Variants in RFTN2 observed in about 807,000 individuals in gnomAD.
RFTN2 encodes raftlin family member 2.
In RFTN2, 34 loss-of-function variants were observed where a neutral mutation model predicts 52.7. The ratio of observed to expected loss-of-function variants is 0.64; its 90% CI spans 0.49 to 0.86. RFTN2 has a LOEUF of 0.86. Ranked by LOEUF, RFTN2 falls within the 40% of genes least tolerant of loss-of-function variation. The pLI is 0.00. For synonymous variants in RFTN2, 203 were observed against 217.7 expected (o/e 0.93, Z 0.59); for missense variants, 536 against 600.1 (o/e 0.89, Z 1.12).
At chr2:197,610,969 G>A (rs922218521) in intron 7 of RFTN2, among the ~76,000 whole-genome samples, 12 of 152,214 alleles carry the variant, frequency 7.9e-5, no homozygotes, top group Non-Finnish European at 1.5e-4. Context: ...AAGCCGACTT[G>A]ATTGTGGTGG....
intron 3 of RFTN2, among the ~76,000 whole-genome samples, chr2:197,641,325 A>G (rs1161323891): frequency 1.3e-5 from 2 of 152,204 alleles, no homozygotes; most frequent in Non-Finnish European, 2.9e-5. Flanking sequence ...GTGAAACAGC[A>G]TTTGTTCCTA....
chr2:197,629,859 G>T (rs566225869), intron 5 of RFTN2, among the ~76,000 whole-genome samples: 1 of 152,068 alleles, frequency 6.6e-6, no homozygotes, highest in South Asian at 2.1e-4. Context: ...GGGTAGCTGG[G>T]AATACAGGTG....
intron 8 of RFTN2, among the ~76,000 whole-genome samples, chr2:197,593,894 A>T (rs1401236319): frequency 6.6e-6 from 1 of 151,852 alleles, no homozygotes; most frequent in Non-Finnish European, 1.5e-5. Flanking sequence ...CAAAAAAAAA[A>T]AAAAAAGAAT....
intron 5 of RFTN2, among the ~76,000 whole-genome samples, chr2:197,629,515 G>A (rs572993866): frequency 3.2e-4 from 49 of 151,678 alleles, no homozygotes; most frequent in African/African-American, 5.8e-4. Flanking sequence ...TGATGGGTGC[G>A]GCACACCAAC....
chr2:197,624,597 C>CAAAAAAAAAAAAAA (rs746144794), intron 5 of RFTN2, among the ~76,000 whole-genome samples: 1 of 57,912 alleles, frequency 1.7e-5, no homozygotes, highest in Non-Finnish European at 3.0e-5. Flanking sequence ...GACTCTGTCT[C>CAAAAAAAAAAAAAA]AAAAAAAAAA....
intron 3 of RFTN2, among the ~76,000 whole-genome samples, chr2:197,634,752 ATACTTT>A (rs1164984638): frequency 1.3e-5 from 2 of 148,538 alleles, no homozygotes; most frequent in African/African-American, 5.0e-5. Context: ...TATTTTTATT[ATACTTT>A]AAGTTTTAGG....
chr2:197,670,558 C>G (rs548026088), intron 1 of RFTN2, among the ~76,000 whole-genome samples: 1 of 148,714 alleles, frequency 6.7e-6, no homozygotes, highest in Admixed American at 6.8e-5. Flanking sequence ...ATGTGTAGTC[C>G]CAGCTACTCC....
chr2:197,634,464 G>A (rs1196628271), intron 3 of RFTN2, among the ~76,000 whole-genome samples: 1 of 152,022 alleles, frequency 6.6e-6, no homozygotes, highest in Non-Finnish European at 1.5e-5. Flanking sequence ...AAAGAAAAAT[G>A]TTAAAAGACT....
intron 7 of RFTN2, among the ~76,000 whole-genome samples, chr2:197,605,360 CG>C (rs2087943240): frequency 6.6e-6 from 1 of 151,932 alleles, no homozygotes; most frequent in South Asian, 2.1e-4. Context: ...GGACTACAGG[CG>C]CCCGCCACCA....
At chr2:197,620,773 C>A (rs1214621340) in intron 5 of RFTN2, among the ~76,000 whole-genome samples, 1 of 152,120 alleles carries the variant, frequency 6.6e-6, no homozygotes, top group Non-Finnish European at 1.5e-5. Flanking sequence ...TTGAGACCAG[C>A]CTGACCAACA....
chr2:197,591,629 G>T (rs1010900593), intron 8 of RFTN2, among the ~76,000 whole-genome samples: 1 of 152,190 alleles, frequency 6.6e-6, no homozygotes, highest in Non-Finnish European at 1.5e-5. Flanking sequence ...GGGAGGCTCC[G>T]GTGGTGCAGG....
rs2087272354 is a variant in RFTN2, at chr2:197,568,793, T to A, written c.*3215A>T. ...AGAAGGAATGGTGGTGAGGAATCAA[T>A]AACAGGCAAGGGCGGGAAAACGGGA... is the stretch of plus-strand genomic sequence containing the variant. On this transcript the variant is annotated 3_prime_UTR_variant, in exon 9 of 9. Transcript: ENST00000295049. 1 of 152,060 alleles carries A rather than the reference T, an allele frequency of 6.6e-6. No homozygotes were observed. Among genetic ancestry groups the A allele is most frequent in the Non-Finnish European group, 1.5e-5 (1 of 68,006 alleles). 9.4% of individuals were successfully genotyped at this position (152,060 alleles called of 1,614,324 possible). A position where few individuals can be genotyped will look rare whatever the true frequency, so the allele number is the denominator to read the frequency against.
rs376779278 is a variant in RFTN2, at chr2:197,633,789, T to C, written c.647A>G (p.His216Arg). ...CATTTGATACTGTCCACTTTCATGATGAAGTTCTTCCTCAATTCCGCTTTC... is the reference window on the plus strand; with the variant it reads ...CATTTGATACTGTCCACTTTCATGACGAAGTTCTTCCTCAATTCCGCTTTC... ...SSESGIEEEL[H>R]HESGQYQMEQ... The change falls in exon 4 of 9, where the codon CAT becomes CGT. Residue 216 changes from histidine (H) to arginine (R), a missense_variant. By Grantham distance (29) the His-to-Arg change is conservative (BLOSUM62 0). Transcript: ENST00000295049. 2.5e-6 allele frequency: 4 copies of C among 1,613,434 alleles called. No homozygotes were observed. The highest frequency in any genetic ancestry group is 1.7e-5 in the Admixed American group (1 of 59,986).
chr2:197,599,842 C>T (rs1397963392), intron 7 of RFTN2, among the ~76,000 whole-genome samples: 3 of 151,976 alleles, frequency 2.0e-5, no homozygotes, highest in Non-Finnish European at 4.4e-5. Context: ...TTTTTAAGCA[C>T]GAGCTTGATT....
chr2:197,656,919 C>G (rs1447491955), intron 1 of RFTN2, among the ~76,000 whole-genome samples: 3 of 152,154 alleles, frequency 2.0e-5, no homozygotes, highest in Non-Finnish European at 2.9e-5. Flanking sequence ...GGCTGCAGGA[C>G]CTGGAGAACA....
intron 8 of RFTN2, among the ~76,000 whole-genome samples, chr2:197,576,957 A>G (rs1389541230): frequency 1.3e-5 from 2 of 152,350 alleles, no homozygotes; most frequent in East Asian, 3.9e-4. Context: ...CTCCCATTCT[A>G]TTCAAATTTA....
chr2:197,640,410 G>C (rs1243325662), intron 3 of RFTN2, among the ~76,000 whole-genome samples: 1 of 152,070 alleles, frequency 6.6e-6, no homozygotes, highest in Middle Eastern at 3.2e-3. Context: ...AGGACCCTCC[G>C]AGCCAGGTGC....
intron 5 of RFTN2, among the ~76,000 whole-genome samples, chr2:197,622,986 C>G (rs998581201): frequency 4.6e-5 from 7 of 152,222 alleles, no homozygotes; most frequent in African/African-American, 1.7e-4. Context: ...TACTTGGTCA[C>G]CTAACAGCTC....
chr2:197,593,738 T>C (rs2087752650), intron 8 of RFTN2, among the ~76,000 whole-genome samples: 1 of 151,562 alleles, frequency 6.6e-6, no homozygotes, highest in African/African-American at 2.4e-5. Flanking sequence ...AATACAACAA[T>C]TAGCTGGGCC....
Sources: allele counts gnomAD v4.1 joint callset (sites outside exome capture counted in the v4.1 genomes callset), GRCh38; gene constraint gnomAD v4.1.1; transcripts MANE v1.5; gene names NCBI Gene and HGNC (gene_info 2026-07-23, HGNC 2026-07-21).